UBE4A: variants seen among roughly 807,000 people sequenced by gnomAD.
UBE4A encodes ubiquitin conjugation factor E4 A.
A neutral mutation model predicts 117.9 loss-of-function variants in UBE4A; 48 were observed. That is an observed-to-expected ratio of 0.41 (90% CI 0.32 to 0.52). UBE4A has a LOEUF of 0.52. Ranked by LOEUF, UBE4A falls within the 20% of genes least tolerant of loss-of-function variation. The pLI, the probability that UBE4A is intolerant of heterozygous loss-of-function variation, is 0.33. For synonymous variants in UBE4A, 407 were observed against 450.0 expected, an observed-to-expected ratio of 0.90 and a Z score of 1.21; for missense variants, 1,067 against 1,296.3, an observed-to-expected ratio of 0.82 and a Z score of 2.72.
chr11:118,371,379 C>G (rs1328378900), intron 4 of UBE4A, 135 bp from the exon 5 acceptor site: 1 of 1,078,452 alleles, frequency 9.3e-7, no homozygotes, highest in Non-Finnish European at 1.3e-6. Flanking sequence ...TATACAGGGC[C>G]CTTTTTTTCT....
At chr11:118,393,893 GC>G (rs1948843691) in intron 19 of UBE4A, among the ~76,000 whole-genome samples, 2 of 152,242 alleles carry the variant, frequency 1.3e-5, no homozygotes, top group South Asian at 4.1e-4. Flanking sequence ...ACCTCACCCA[GC>G]CTGCTTTTTC....
chr11:118,375,705 G>A (rs1555125285), intron 9 of UBE4A, among the ~76,000 whole-genome samples: 1 of 152,064 alleles, frequency 6.6e-6, no homozygotes, highest in African/African-American at 2.4e-5. Flanking sequence ...AAAACACCTG[G>A]TAGCTTTTAA....
intron 4 of UBE4A, among the ~76,000 whole-genome samples, chr11:118,371,178 T>TA (rs1948605513): frequency 6.6e-6 from 1 of 152,232 alleles, no homozygotes; most frequent in Non-Finnish European, 1.5e-5. Flanking sequence ...TATCTTTATA[T>TA]AAGTCTGAAT....
At chr11:118,395,879 A>G (rs1948866440) in intron 19 of UBE4A, among the ~76,000 whole-genome samples, 1 of 152,198 alleles carries the variant, frequency 6.6e-6, no homozygotes, top group African/African-American at 2.4e-5. Context: ...GTTTGAGAGC[A>G]GCCTGGCCAA....
In UBE4A at chr11:118,369,681, A is replaced by C. The variant is rs183325988; in HGVS notation, c.408+146A>C. On this transcript the variant is annotated intron_variant, in intron 4 of 19. Transcript: ENST00000252108. ...TTTTTTTTTTACCAGTAGAAGGCCA[A>C]GTAACCTGGATGTGCATCTCTAACA... is the stretch of plus-strand genomic sequence containing the variant. 4 of 606,332 alleles carry C rather than the reference A, an allele frequency of 6.6e-6. No individual in the cohort carries two copies. In the East Asian group the frequency reaches 1.1e-4, roughly 17 times the overall value. 37.6% of individuals were successfully genotyped at this position (606,332 alleles called of 1,614,324 possible). A position where few individuals can be genotyped will look rare whatever the true frequency, so the allele number is the denominator to read the frequency against.
chr11:118,394,141 C>G (rs1555129143), intron 19 of UBE4A, among the ~76,000 whole-genome samples: 1 of 151,904 alleles, frequency 6.6e-6, no homozygotes, highest in Non-Finnish European at 1.5e-5. Context: ...CTGAGAGACT[C>G]TGCCTATTTA....
chr11:118,373,765 C>G (rs901151695), intron 8 of UBE4A, 80 bp downstream of exon 8: 28 of 1,445,300 alleles, frequency 1.9e-5, no homozygotes, highest in Non-Finnish European at 2.2e-5. Context: ...TAAGGCTGCT[C>G]AAGCCTCTCT....
At chr11:118,396,248 T>C (rs1039482546) in intron 19 of UBE4A, 66 bp from the exon 20 acceptor site, 2 of 1,548,308 alleles carry the variant, frequency 1.3e-6, no homozygotes, top group Non-Finnish European at 1.7e-6. Flanking sequence ...CCAGGTGTTC[T>C]GTTTTTGGCT....
At chr11:118,377,024 TC>T (rs1948658515) in intron 10 of UBE4A, among the ~76,000 whole-genome samples, 1 of 151,760 alleles carries the variant, frequency 6.6e-6, no homozygotes, top group South Asian at 2.1e-4. Context: ...CTGTACTCCA[TC>T]CTGGGTGACA....
At chr11:118,396,201 T>TATA (rs1948871011) in intron 19 of UBE4A, 113 bp from the exon 20 acceptor site, 2 of 1,370,736 alleles carry the variant, frequency 1.5e-6, no homozygotes, top group East Asian at 2.6e-5. Flanking sequence ...GACTCAAAGT[T>TATA]ATAATGCACT....
intron 11 of UBE4A, among the ~76,000 whole-genome samples, chr11:118,380,074 A>G (rs782624866): frequency 1.3e-5 from 2 of 151,574 alleles, no homozygotes; most frequent in African/African-American, 2.4e-5. Flanking sequence ...TCCTTTTTGT[A>G]GAAAAAAAAT....
chr11:118,385,596 C>G lies in UBE4A; in HGVS notation c.2412+651C>G, dbSNP rs541649276. 7.9e-5 allele frequency among the ~76,000 whole-genome samples: 12 copies of G among 152,284 alleles called. No homozygotes were observed. In the South Asian group the frequency reaches 2.5e-3, roughly 32 times the overall value. Reference sequence around the variant, plus strand: ...TCCCTGGTGGAACTGCTTACTTCTCCCATAAAAACTTGGCTGTCTGTAGAG... The same window carrying G: ...TCCCTGGTGGAACTGCTTACTTCTCGCATAAAAACTTGGCTGTCTGTAGAG... On this transcript the variant is annotated intron_variant, in intron 15 of 19. Transcript: ENST00000252108.
At chr11:118,381,333 TTTA>T in intron 11 of UBE4A, 55 bp from the exon 12 acceptor site, 1 of 1,580,198 alleles carries the variant, frequency 6.3e-7, no homozygotes, top group Non-Finnish European at 8.6e-7. Flanking sequence ...TTAAATGTTG[TTTA>T]TTAGTACAGA....
chr11:118,367,246 TAAA>T (rs201188460), intron 2 of UBE4A, among the ~76,000 whole-genome samples: 2 of 136,954 alleles, frequency 1.5e-5, no homozygotes, highest in African/African-American at 5.4e-5. Context: ...GACAGAAGTT[TAAA>T]AAAAAAAAAA....
intron 12 of UBE4A, among the ~76,000 whole-genome samples, 198 bp from the exon 13 acceptor site, chr11:118,382,390 TA>T (rs1395045593): frequency 1.3e-5 from 2 of 151,778 alleles, no homozygotes; most frequent in Non-Finnish European, 2.9e-5. Flanking sequence ...ACTCAAGAGT[TA>T]AATGATGTAC....
chr11:118,392,656 A>G (rs782305712), intron 18 of UBE4A, 82 bp from the exon 19 acceptor site: 32 of 1,361,816 alleles, frequency 2.3e-5, no homozygotes, highest in Non-Finnish European at 3.0e-5. Context: ...TATTTTTGAG[A>G]TGGAGTCTTG....
intron 11 of UBE4A, among the ~76,000 whole-genome samples, chr11:118,380,134 C>CGTGTGTGTGTGT (rs55892936): frequency 2.2e-5 from 3 of 136,938 alleles, no homozygotes; most frequent in Non-Finnish European, 4.8e-5. Context: ...TGTGTGTGTG[C>CGTGTGTGTGTGT]GTGTGTGTGT....
At chr11:118,380,116 A>AGTGT (rs56027138) in intron 11 of UBE4A, among the ~76,000 whole-genome samples, 5 of 142,706 alleles carry the variant, frequency 3.5e-5, no homozygotes, top group Admixed American at 7.2e-5. Context: ...GAAGGGAAAG[A>AGTGT]GTGTGTGTGT....
chr11:118,367,405 G>A (rs887625264), intron 2 of UBE4A, among the ~76,000 whole-genome samples: 7 of 151,166 alleles, frequency 4.6e-5, no homozygotes, highest in African/African-American at 1.7e-4. Context: ...CCATTAAATT[G>A]TTTTTTTACC....
Sources: gnomAD v4.1 joint callset for allele counts (sites outside exome capture counted in the v4.1 genomes callset) on GRCh38, gnomAD v4.1.1 for gene constraint, MANE v1.5 for transcripts, NCBI Gene and HGNC (gene_info 2026-07-23, HGNC 2026-07-21) for gene names.